Variants in COL16A1 observed in about 807,000 individuals in gnomAD.
COL16A1 encodes collagen type XVI alpha 1 chain.
A neutral mutation model predicts 266.3 loss-of-function variants in COL16A1; 189 were observed. That is an observed-to-expected ratio of 0.71 (90% CI 0.63 to 0.80). The LOEUF (loss-of-function observed/expected upper bound fraction) is 0.80, where lower values mean the gene tolerates loss of function less well. Ranked by LOEUF, COL16A1 falls within the 30% of genes least tolerant of loss-of-function variation. COL16A1 has a pLI of 0.00. For missense variants in COL16A1, 1,928 were observed against 2,122.4 expected, an observed-to-expected ratio of 0.91 and a Z score of 1.80; for synonymous variants, 740 against 782.3, an observed-to-expected ratio of 0.95 and a Z score of 0.90.
At position 31,698,967 on chromosome 1, in the gene COL16A1, C is replaced by T. The variant is rs990174275; in HGVS notation, c.267-361G>A. 3.3e-5 allele frequency among the ~76,000 whole-genome samples: 5 copies of T among 151,862 alleles called. No homozygotes were observed. Among genetic ancestry groups the T allele is most frequent in the East Asian group, 3.9e-4 (2 of 5,168 alleles). On this transcript the variant is annotated intron_variant, in intron 4 of 70. Transcript: ENST00000373672. The surrounding 1 kb of genome is among the most constrained non-coding windows in gnomAD (Gnocchi z 4.1). ...AAAATTCGCCAGGTGTAGTGGCAGGCGCCTGTAATCCCAGCTACCCGGGAG... is the reference window on the plus strand; with the variant it reads ...AAAATTCGCCAGGTGTAGTGGCAGGTGCCTGTAATCCCAGCTACCCGGGAG...
chr1:31,664,098 C>G lies in COL16A1; in HGVS notation c.3555+1074G>C, dbSNP rs562149786. Among the ~76,000 whole-genome samples the G allele has an allele frequency of 8.8e-5, 13 of 147,316 alleles. No individual in the cohort carries two copies. Among genetic ancestry groups the G allele is most frequent in the Admixed American group, 2.7e-4 (4 of 14,852 alleles). The stretch of plus-strand genomic sequence containing the variant: ...AACCACTGGCCAGAGGTTTGGGATT[C>G]TCTGCAATGACCAGCCTAAGGAGAG... On this transcript the variant is annotated intron_variant, in intron 56 of 70. Transcript: ENST00000373672. This position sits in a 1 kb window ranked among gnomAD's most constrained non-coding sequence, Gnocchi z 5.5.
intron 62 of COL16A1, chr1:31,660,182 A>T: frequency 5.9e-6 from 1 of 170,026 alleles, no homozygotes; most frequent in East Asian, 1.7e-4. Context: ...GTTGCTTGAT[A>T]AATGTCCTCT....
rs1643924040 is a variant in COL16A1, at chr1:31,685,521, A to C, written c.2016+118T>G. On this transcript the variant is annotated intron_variant, in intron 29 of 70. Coordinates refer to ENST00000373672, the MANE Select transcript of COL16A1 (RefSeq NM_001856.4). The surrounding 1 kb of genome is among the most constrained non-coding windows in gnomAD (Gnocchi z 4.0). ...GAGACAGAGGCTCTGACCCCGCCAC[A>C]CCCTCCCCACTACCCCCAACTGCCC... 1.1e-5 allele frequency: 12 copies of C among 1,100,394 alleles called. No homozygotes were observed. Among genetic ancestry groups the C allele is most frequent in the African/African-American group, 3.2e-5 (2 of 62,876 alleles). The allele number at this position is 1,100,394 out of a possible 1,614,324, so 68.2% of individuals were successfully genotyped here. A position where few individuals can be genotyped will look rare whatever the true frequency, so the allele number is the denominator to read the frequency against.
chr1:31,672,779 C>T lies in COL16A1; in HGVS notation c.2921G>A (p.Gly974Glu). 1 of 1,614,188 alleles carries T rather than the reference C, an allele frequency of 6.2e-7. No individual in the cohort carries two copies. ...AGGGATGCCCTGGTCTCCCTTCTCT[C>T]CCTTCTCCACGAGGTACCCTGGGTG... ...RAHPGYLVEK[G>E]EKGDQGIPGV... Residue 974 changes from glycine (G) to glutamate (E), a missense_variant, in exon 45 of 71, where the codon GGA becomes GAA. Physicochemically the swap from Gly to Glu is moderately conservative, Grantham distance 98 (BLOSUM62 -2). This residue lies in a region of COL16A1 where 1,552 missense variants were observed against 1,637.2 expected (regional missense o/e 0.95). Transcript: ENST00000373672.
intron 64 of COL16A1, 84 bp downstream of exon 64, chr1:31,658,404 C>G: frequency 8.6e-7 from 1 of 1,168,786 alleles, no homozygotes; most frequent in Non-Finnish European, 1.2e-6. Context: ...CTTAGAGACC[C>G]CAGATATGTT....
intron 12 of COL16A1, 132 bp downstream of exon 12, chr1:31,694,012 C>A (rs1247750171): frequency 2.6e-6 from 2 of 771,576 alleles, no homozygotes; most frequent in Admixed American, 3.0e-5. Context: ...ACCACGCATA[C>A]ACTTAATCAC....
Position 31,668,691 on chromosome 1 carries a change from G to A in COL16A1, c.3249+111C>T. ...CGGCAGAAGGGCAGAGAGTCTCAAG[G>A]AGTCCACCTCCCAGCTTCCACTCAG... is the stretch of plus-strand genomic sequence containing the variant. On this transcript the variant is annotated intron_variant, in intron 50 of 70. Transcript: ENST00000373672. The surrounding 1 kb of genome is among the most constrained non-coding windows in gnomAD (Gnocchi z 5.8). 1 of 1,157,798 alleles carries A rather than the reference G, an allele frequency of 8.6e-7. No homozygotes were observed. 71.7% of individuals were successfully genotyped at this position (1,157,798 alleles called of 1,614,324 possible). A position where few individuals can be genotyped will look rare whatever the true frequency, so the allele number is the denominator to read the frequency against.
At position 31,664,908 on chromosome 1, in the gene COL16A1, C is replaced by G. The variant is rs1161319524; in HGVS notation, c.3555+264G>C. On this transcript the variant is annotated intron_variant, in intron 56 of 70. Coordinates refer to ENST00000373672, the MANE Select transcript of COL16A1 (RefSeq NM_001856.4). The surrounding 1 kb of genome is among the most constrained non-coding windows in gnomAD (Gnocchi z 5.5). The stretch of plus-strand genomic sequence containing the variant: ...CCCACCTACCTCCCTGCCTTTCCCC[C>G]CATCACAGCAGACAAGGGCCTGGGC... Among the ~76,000 whole-genome samples the G allele has an allele frequency of 6.6e-6, 1 of 152,170 alleles. No individual in the cohort carries two copies. The highest frequency in any genetic ancestry group is 1.9e-4 in the East Asian group (1 of 5,176).
At position 31,685,824 on chromosome 1, in the gene COL16A1, G is replaced by C. The variant is rs1445377667; in HGVS notation, c.1885-54C>G. 26 of 1,601,266 alleles carry C rather than the reference G, an allele frequency of 1.6e-5. No homozygotes were observed. The highest frequency in any genetic ancestry group is 2.2e-5 in the Non-Finnish European group (26 of 1,171,082). On this transcript the variant is annotated intron_variant, in intron 28 of 70. Transcript: ENST00000373672. This position sits in a 1 kb window ranked among gnomAD's most constrained non-coding sequence, Gnocchi z 4.0. ...GTCCCCCAGGCCCTAGTGCACTTGA[G>C]CGAGGTTTGGAATCTAGGGCTGGGG...
At chr1:31,695,731 C>T (rs1644467627) in intron 10 of COL16A1, 30 bp downstream of exon 10, 1 of 1,611,238 alleles carries the variant, frequency 6.2e-7, no homozygotes, top group African/African-American at 1.3e-5. Flanking sequence ...GCTGGCACCT[C>T]CCCTGCTGCC....
At chr1:31,653,458 G>A in intron 70 of COL16A1, 141 bp downstream of exon 70, 1 of 1,012,392 alleles carries the variant, frequency 9.9e-7, no homozygotes, top group Non-Finnish European at 1.4e-6. Flanking sequence ...AGAGTGTCTT[G>A]CACACAGTGG....
rs928395299 is a variant in COL16A1, at chr1:31,664,259, G to GAGGT, written c.3555+909_3555+912dup. ...TCAGCATGGGCTCTGGGGAGGTAGT[G>GAGGT]AGGTGCCCGGGTCCTCCTGGAGCTG... is the stretch of plus-strand genomic sequence containing the variant. On this transcript the variant is annotated intron_variant, in intron 56 of 70. Transcript: ENST00000373672. The surrounding 1 kb of genome is among the most constrained non-coding windows in gnomAD (Gnocchi z 5.5). 2.0e-4 allele frequency among the ~76,000 whole-genome samples: 30 copies of GAGGT among 152,314 alleles called. No individual in the cohort carries two copies. Among genetic ancestry groups the GAGGT allele is most frequent in the African/African-American group, 7.2e-4 (30 of 41,572 alleles).
At chr1:31,662,918 A>C in intron 56 of COL16A1, 1 of 559,024 alleles carries the variant, frequency 1.8e-6, no homozygotes, top group East Asian at 2.9e-5. Flanking sequence ...TCCAGTGCTG[A>C]CCCAGGGGCT....
Position 31,691,594 on chromosome 1 carries a change from TC to T in COL16A1, c.1302+3del. 1 of 1,613,704 alleles carries T rather than the reference TC, an allele frequency of 6.2e-7. No homozygotes were observed. The highest frequency in any genetic ancestry group is 1.3e-5 in the African/African-American group (1 of 74,978). ...TCTCCACCCCACAAACATCCACAAC[TC>T]ACCTTCTGCCCTTTGGGCCCAATGA... is the stretch of plus-strand genomic sequence containing the variant. On this transcript the variant is annotated splice_donor_region_variant and intron_variant, in intron 18 of 70. Transcript: ENST00000373672.
intron 1 of COL16A1, among the ~76,000 whole-genome samples, chr1:31,703,341 A>G (rs1334978680): frequency 2.6e-5 from 4 of 152,044 alleles, no homozygotes; most frequent in African/African-American, 9.7e-5. Flanking sequence ...CCCTTACCCC[A>G]ATATATTTGG....
Position 31,652,961 on chromosome 1 carries a change from G to T in COL16A1, c.4613-108C>A. The T allele has an allele frequency of 1.8e-6, 2 of 1,129,234 alleles. No individual in the cohort carries two copies. Among genetic ancestry groups the T allele is most frequent in the Non-Finnish European group, 2.4e-6 (2 of 851,046 alleles). The allele number at this position is 1,129,234 out of a possible 1,614,324, so 70.0% of individuals were successfully genotyped here. On this transcript the variant is annotated intron_variant, in intron 70 of 70. Transcript: ENST00000373672. The surrounding 1 kb of genome is among the most constrained non-coding windows in gnomAD (Gnocchi z 4.8). ...CTTACATTTGATGACTGTTTCTCAA[G>T]TTACCACATGTTTTCATGAAGACCT...
At chr1:31,691,829 G>GTGA in intron 17 of COL16A1, among the ~76,000 whole-genome samples, 176 bp downstream of exon 17, 1 of 152,242 alleles carries the variant, frequency 6.6e-6, no homozygotes, top group African/African-American at 2.4e-5. Flanking sequence ...GAGGCTGGGA[G>GTGA]TGAGGGGGCC....
Position 31,675,025 on chromosome 1 carries a change from A to C in COL16A1, c.2841T>G (p.Ile947Met), listed in dbSNP as rs1477242265. Residue 947 changes from isoleucine to methionine, a missense_variant, in exon 44 of 71, where the codon ATT becomes ATG. By Grantham distance (10) the Ile-to-Met change is conservative. Around this residue, in one of 2 missense-constraint regions of COL16A1, gnomAD observed 1,552 missense variants for 1,637.2 expected, o/e 0.95. Transcript: ENST00000373672. ...CTCTTACCTTAAGGAGGTGCTGTTC[A>C]ATTGGTAAGGATCCCTGCAAGAGAC... ...GLTAELGSLP[I>M]EQHLLKSICG... The C allele has an allele frequency of 1.2e-6, 2 of 1,612,962 alleles. No individual in the cohort carries two copies. Among genetic ancestry groups the C allele is most frequent in the African/African-American group, 2.7e-5 (2 of 74,894 alleles).
intron 2 of COL16A1, among the ~76,000 whole-genome samples, chr1:31,701,720 C>T (rs551559134): frequency 2.0e-5 from 3 of 152,210 alleles, no homozygotes; most frequent in Non-Finnish European, 2.9e-5. Context: ...TCTGGGGAGG[C>T]GGCGTCCTTC....
Sources: allele counts gnomAD v4.1 joint callset (sites outside exome capture counted in the v4.1 genomes callset), GRCh38; gene constraint gnomAD v4.1.1; regional missense constraint gnomAD v4.1.1; non-coding constraint Gnocchi (gnomAD v3.1); transcripts MANE v1.5; gene names NCBI Gene and HGNC (gene_info 2026-07-23, HGNC 2026-07-21).